The following C8orf34 variants were observed in gnomAD, a reference collection of about 807,000 sequenced individuals.
C8orf34 encodes chromosome 8 open reading frame 34, also known as uncharacterized protein C8orf34.
C8orf34 carries 65 observed loss-of-function variants against 68.3 expected under a neutral mutation model. The observed-to-expected ratio is 0.95, with a 90% confidence interval of 0.78 to 1.17. C8orf34 has a LOEUF of 1.17. C8orf34 is among the 50% of genes most tolerant of loss of function. The pLI, the probability that C8orf34 is intolerant of heterozygous loss-of-function variation, is 0.00. For synonymous variants in C8orf34, 244 were observed against 241.2 expected (o/e 1.01, Z -0.11); for missense variants, 664 against 655.4 (o/e 1.01, Z -0.14).
chr8:68,587,701 T>A (rs1392071093), intron 7 of C8orf34, among the ~76,000 whole-genome samples: 1 of 152,192 alleles, frequency 6.6e-6, no homozygotes, highest in African/African-American at 2.4e-5. Flanking sequence ...CATATTCCTT[T>A]ATTCTTTGAC....
intron 7 of C8orf34, among the ~76,000 whole-genome samples, chr8:68,617,190 G>C (rs530461889): frequency 6.6e-6 from 1 of 152,244 alleles, no homozygotes; most frequent in Non-Finnish European, 1.5e-5. Flanking sequence ...GTCTCTGCAC[G>C]TGAGAAGGGT....
chr8:68,371,546 T>C (rs1807562640), intron 1 of C8orf34, among the ~76,000 whole-genome samples: 1 of 152,042 alleles, frequency 6.6e-6, no homozygotes, highest in South Asian at 2.1e-4. Flanking sequence ...ATTCTCTGAC[T>C]ATGACTTGGG....
At chr8:68,434,668 G>C (rs2129625151) in intron 1 of C8orf34, among the ~76,000 whole-genome samples, 1 of 152,228 alleles carries the variant, frequency 6.6e-6, no homozygotes, top group South Asian at 2.1e-4. Context: ...TAACAATAAA[G>C]GAAACAGGTA....
chr8:68,739,533 G>A (rs1466094558), intron 10 of C8orf34, among the ~76,000 whole-genome samples: 1 of 152,024 alleles, frequency 6.6e-6, no homozygotes, highest in Non-Finnish European at 1.5e-5. Context: ...CAGCTAACTA[G>A]GGAGGTGAAA....
At chr8:68,551,631 T>C (rs943688235) in intron 7 of C8orf34, among the ~76,000 whole-genome samples, 2 of 152,058 alleles carry the variant, frequency 1.3e-5, no homozygotes, top group African/African-American at 4.8e-5. Flanking sequence ...CATGATGGAC[T>C]GGTTAAGAGA....
At chr8:68,412,233 C>T (rs191964286) in intron 1 of C8orf34, among the ~76,000 whole-genome samples, 21 of 152,198 alleles carry the variant, frequency 1.4e-4, no homozygotes, top group Admixed American at 7.9e-4. Flanking sequence ...TAACCATTTA[C>T]GCACACTGAC....
At chr8:68,396,995 A>T (rs951969683) in intron 1 of C8orf34, among the ~76,000 whole-genome samples, 1 of 151,752 alleles carries the variant, frequency 6.6e-6, no homozygotes, top group Non-Finnish European at 1.5e-5. Flanking sequence ...TTTTTAAAAA[A>T]TTTTTATTTT....
At chr8:68,357,249 T>C (rs113614288) in intron 1 of C8orf34, among the ~76,000 whole-genome samples, 35 of 152,280 alleles carry the variant, frequency 2.3e-4, no homozygotes, top group African/African-American at 8.4e-4. Context: ...TCTAGTATCT[T>C]TGCTCTTAGT....
intron 7 of C8orf34, among the ~76,000 whole-genome samples, chr8:68,589,658 A>G: frequency 6.9e-6 from 1 of 145,758 alleles, no homozygotes; most frequent in Non-Finnish European, 1.5e-5. Context: ...GGAGGAAGGA[A>G]AGGAGGAAAG....
intron 2 of C8orf34, 60 bp from the exon 3 acceptor site, chr8:68,446,269 G>A: frequency 2.8e-6 from 4 of 1,425,138 alleles, no homozygotes; most frequent in African/African-American, 1.4e-5. Context: ...TCGTGGACTT[G>A]GTTTTTGCTC....
At chr8:68,640,039 C>T (rs563133416) in intron 7 of C8orf34, among the ~76,000 whole-genome samples, 1 of 152,192 alleles carries the variant, frequency 6.6e-6, no homozygotes, top group Non-Finnish European at 1.5e-5. Flanking sequence ...AAGTCCTGAC[C>T]ATTTAGGGCT....
intron 8 of C8orf34, among the ~76,000 whole-genome samples, chr8:68,657,165 T>C (rs943270447): frequency 2.0e-5 from 3 of 152,164 alleles, no homozygotes; most frequent in Non-Finnish European, 1.5e-5. Flanking sequence ...TACTTATAAC[T>C]CCACAAACGT....
At chr8:68,351,904 T>C (rs1254885280) in intron 1 of C8orf34, among the ~76,000 whole-genome samples, 1 of 152,110 alleles carries the variant, frequency 6.6e-6, no homozygotes, top group Non-Finnish European at 1.5e-5. Context: ...GATAGGTGTG[T>C]AGTGGAATCT....
At chr8:68,621,222 G>A (rs935673344) in intron 7 of C8orf34, among the ~76,000 whole-genome samples, 18 of 152,264 alleles carry the variant, frequency 1.2e-4, no homozygotes, top group African/African-American at 3.8e-4. Context: ...AGTGGGGCAC[G>A]TGGTGCTTTG....
At chr8:68,347,284 G>T (rs566528243) in intron 1 of C8orf34, among the ~76,000 whole-genome samples, 3 of 152,258 alleles carry the variant, frequency 2.0e-5, no homozygotes, top group African/African-American at 7.2e-5. Context: ...TACTGCAAAA[G>T]ACATGATCTC....
At chr8:68,376,493 T>C (rs1426779338) in intron 1 of C8orf34, among the ~76,000 whole-genome samples, 4 of 152,034 alleles carry the variant, frequency 2.6e-5, no homozygotes, top group African/African-American at 4.8e-5. Context: ...AGAAATGATA[T>C]AGGATGTGGC....
chr8:68,534,269 T>C (rs945621520), intron 7 of C8orf34: 27 of 985,306 alleles, frequency 2.7e-5, no homozygotes, highest in Admixed American at 1.2e-4. Flanking sequence ...TACATGCTGT[T>C]GGTCCCTTCC....
At chr8:68,369,380 T>C (rs1401989714) in intron 1 of C8orf34, among the ~76,000 whole-genome samples, 1 of 152,234 alleles carries the variant, frequency 6.6e-6, no homozygotes, top group Non-Finnish European at 1.5e-5. Flanking sequence ...TGTAATGCTG[T>C]AATAGTCCAC....
At chr8:68,395,256 A>G (rs181105316) in intron 1 of C8orf34, among the ~76,000 whole-genome samples, 171 of 151,548 alleles carry the variant, frequency 1.1e-3, no homozygotes, top group African/African-American at 3.8e-3. Flanking sequence ...TTTTTCCTGG[A>G]CATATAACTA....
Sources: gnomAD v4.1 joint callset for allele counts (sites outside exome capture counted in the v4.1 genomes callset) on GRCh38, gnomAD v4.1.1 for gene constraint, MANE v1.5 for transcripts, NCBI Gene and HGNC (gene_info 2026-07-23, HGNC 2026-07-21) for gene names.